BTN2A1: variants seen among roughly 807,000 people sequenced by gnomAD.
BTN2A1 encodes butyrophilin subfamily 2 member A1, also known as butyrophilin, subfamily 2, member A1.
Under a neutral mutation model 34.5 loss-of-function variants are expected in BTN2A1, and 41 were observed. The ratio of observed to expected loss-of-function variants is 1.19; its 90% CI spans 0.93 to 1.54. The LOEUF (loss-of-function observed/expected upper bound fraction) is 1.54, where lower values mean the gene tolerates loss of function less well. Ranked by LOEUF, BTN2A1 falls within the 40% of genes most tolerant of loss-of-function variation. The pLI, the probability that BTN2A1 is intolerant of heterozygous loss-of-function variation, is 0.00. For missense variants in BTN2A1, 642 were observed against 662.0 expected (o/e 0.97, Z 0.33); for synonymous variants, 267 against 258.6 (o/e 1.03, Z -0.31).
rs1763106971 is a variant in BTN2A1, at chr6:26,459,647, G to A, written c.249G>A (p.Glu83=). Residue 83 remains glutamate, a synonymous_variant, in exon 3 of 8, where the codon GAG becomes GAA. Transcript: ENST00000312541. ...TGTTTGTGTATAAAGGTGGCAGAGA[G>A]AGAACAGAGGAGCAGATGGAGGAGT... ...PAVFVYKGGR[E]RTEEQMEEYR... The A allele has an allele frequency of 6.2e-7, 1 of 1,613,980 alleles. No individual in the cohort carries two copies. The highest frequency in any genetic ancestry group is 1.1e-5 in the South Asian group (1 of 91,074).
Position 26,465,926 on chromosome 6 carries a change from A to T in BTN2A1, c.935-27A>T. 1.9e-6 allele frequency: 3 copies of T among 1,614,128 alleles called. 1 individual carries two copies. Among genetic ancestry groups the T allele is most frequent in the Non-Finnish European group, 2.5e-6 (3 of 1,179,996 alleles). On this transcript the variant is annotated intron_variant, in intron 5 of 7. Coordinates refer to ENST00000312541, the MANE Select transcript of BTN2A1 (RefSeq NM_007049.5). ...ACTTCTTTTAGTTCTTCTGTCAAAGACATGATTTTCTTTGTTTGTTTTTCA... is the reference window on the plus strand; with the variant it reads ...ACTTCTTTTAGTTCTTCTGTCAAAGTCATGATTTTCTTTGTTTGTTTTTCA...
chr6:26,476,268 T>C, exon 8 of BTN2A1: 1 of 1,244,508 alleles, frequency 8.0e-7, no homozygotes, highest in South Asian at 1.3e-5. Flanking sequence ...TGGAAAGAAC[T>C]GCTGAGCGGG....
chr6:26,461,233 A>G (rs12211201), intron 3 of BTN2A1, among the ~76,000 whole-genome samples: 11,134 of 152,260 alleles, frequency 0.073, 672 homozygotes, highest in Non-Finnish European at 0.099. Context: ...TTCTTTGCCT[A>G]TAAAACTGAC....
chr6:26,466,575 A>G (rs1439175538), intron 7 of BTN2A1, among the ~76,000 whole-genome samples: 1 of 152,194 alleles, frequency 6.6e-6, no homozygotes, highest in Non-Finnish European at 1.5e-5. Context: ...TGCTCTTAAG[A>G]GAACACTAAT....
intron 7 of BTN2A1, 61 bp from the exon 8 acceptor site, chr6:26,467,887 G>A: frequency 6.3e-7 from 1 of 1,576,976 alleles, no homozygotes; most frequent in Non-Finnish European, 8.6e-7. Flanking sequence ...TGGGGATCAG[G>A]AACCACACAA....
Position 26,468,161 on chromosome 6 carries a change from C to A in BTN2A1, c.1196C>A (p.Thr399Asn), listed in dbSNP as rs1277098138. 1.2e-6 allele frequency: 2 copies of A among 1,614,122 alleles called. No individual in the cohort carries two copies. Among genetic ancestry groups the A allele is most frequent in the African/African-American group, 1.3e-5 (1 of 75,022 alleles). ...EVEVENVIEW[T>N]VGVCRDSVER... is the part of the protein sequence containing the mutation. ...GAGGTGGAAAACGTGATTGAGTGGA[C>A]TGTGGGGGTCTGTAGAGACAGTGTT... The change falls in exon 8 of 8, where the codon ACT becomes AAT. Residue 399 changes from threonine to asparagine, a missense_variant. Coordinates refer to ENST00000312541, the MANE Select transcript of BTN2A1 (RefSeq NM_007049.5).
chr6:26,463,620 G>A, intron 4 of BTN2A1, 95 bp downstream of exon 4: 5 of 1,422,746 alleles, frequency 3.5e-6, no homozygotes, highest in Non-Finnish European at 4.8e-6. Flanking sequence ...CAGTGTGGGT[G>A]AAATAGTCCT....
rs1763406820 is a variant in BTN2A1, at chr6:26,469,239, T to C, written c.*690T>C. ...CCTGCAGTTGGCAAGGAGTCAGTAC[T>C]CAGTCCCTGAGTGTGGCTGAAATTT... On this transcript the variant is annotated 3_prime_UTR_variant, in exon 8 of 8. Coordinates refer to ENST00000312541, the MANE Select transcript of BTN2A1 (RefSeq NM_007049.5). 9.8e-7 allele frequency: 1 copy of C among 1,020,818 alleles called. No individual in the cohort carries two copies. Among genetic ancestry groups the C allele is most frequent in the African/African-American group, 1.7e-5 (1 of 58,260 alleles). The allele number at this position is 1,020,818 out of a possible 1,614,324, so 63.2% of individuals were successfully genotyped here. A position where few individuals can be genotyped will look rare whatever the true frequency, so the allele number is the denominator to read the frequency against.
At chr6:26,462,855 A>G in intron 3 of BTN2A1, 2 of 1,280,734 alleles carry the variant, frequency 1.6e-6, no homozygotes, top group Non-Finnish European at 2.0e-6. Flanking sequence ...GTGAAATCCA[A>G]AACCTGCCTG....
At chr6:26,471,972 A>G (rs1216396006), downstream of BTN2A1, among the ~76,000 whole-genome samples, 1 of 152,240 alleles carries the variant, frequency 6.6e-6, no homozygotes, top group Non-Finnish European at 1.5e-5. Flanking sequence ...GTATTTTGTT[A>G]TTAATAACAG....
chr6:26,461,188 AC>A (rs1763155334), intron 3 of BTN2A1, among the ~76,000 whole-genome samples: 1 of 152,334 alleles, frequency 6.6e-6, no homozygotes, highest in African/African-American at 2.4e-5. Context: ...TCCAGGGTTG[AC>A]CAGTTATGGT....
rs750154167 is a variant in BTN2A1 at position 26,459,686 on chromosome 6, C to T, written c.288C>T (p.Thr96=). The change falls in exon 3 of 8, where the codon ACC becomes ACT. Residue 96 remains threonine (T), a synonymous_variant. Transcript: ENST00000312541. ...AGATGGAGGAGTACCGAGGAAGAAC[C>T]ACCTTTGTGAGCAAAGACATCAGCA... ...EEQMEEYRGR[T]TFVSKDISRG... The T allele has an allele frequency of 6.2e-7, 1 of 1,614,156 alleles. No individual in the cohort carries two copies. The highest frequency in any genetic ancestry group is 8.5e-7 in the Non-Finnish European group (1 of 1,180,016).
Position 26,459,819 on chromosome 6 carries a change from G to A in BTN2A1, c.421G>A (p.Val141Ile), listed in dbSNP as rs148111655. Residue 141 changes from valine (V) to isoleucine (I), a missense_variant, in exon 3 of 8, where the codon GTA becomes ATA. Val to Ile is a conservative substitution (Grantham distance 29). Coordinates refer to ENST00000312541, the MANE Select transcript of BTN2A1 (RefSeq NM_007049.5). ...CTACGATGAGGCCATCCTGCACCTC[G>A]TAGTGGCAGGTGCGTCGCTTCATTT... ...RSYDEAILHL[V>I]VAGLGSKPLI... 1.0e-3 allele frequency: 1,637 copies of A among 1,611,896 alleles called. 1 individual carries two copies. Among genetic ancestry groups the A allele is most frequent in the Non-Finnish European group, 1.2e-3 (1,445 of 1,178,388 alleles).
chr6:26,475,224 C>A (rs1247762342), intron 7 of BTN2A1, among the ~76,000 whole-genome samples: 1 of 152,188 alleles, frequency 6.6e-6, no homozygotes, highest in African/African-American at 2.4e-5. Context: ...CCCGTCAACA[C>A]CCTGCCCAGG....
chr6:26,468,761 A>G lies in BTN2A1; in HGVS notation c.*212A>G, dbSNP rs1470358823. Reference sequence around the variant, plus strand: ...TTTAGTAGTTCCTTTGCTTGTAACTATGGGATGGGATCCAGGCATAGGGAA... The same window carrying G: ...TTTAGTAGTTCCTTTGCTTGTAACTGTGGGATGGGATCCAGGCATAGGGAA... On this transcript the variant is annotated 3_prime_UTR_variant, in exon 8 of 8. Coordinates refer to ENST00000312541, the MANE Select transcript of BTN2A1 (RefSeq NM_007049.5). 1.1e-5 allele frequency: 17 copies of G among 1,607,098 alleles called. No homozygotes were observed. Among genetic ancestry groups the G allele is most frequent in the Non-Finnish European group, 1.4e-5 (17 of 1,176,386 alleles).
exon 8 of BTN2A1, chr6:26,476,570 CA>C: frequency 3.4e-6 from 1 of 292,634 alleles, no homozygotes. Context: ...GGCTGTGTCA[CA>C]AGCCACTGGG....
intron 3 of BTN2A1, among the ~76,000 whole-genome samples, chr6:26,461,801 A>C (rs999780544): frequency 6.6e-6 from 1 of 151,694 alleles, no homozygotes; most frequent in Non-Finnish European, 1.5e-5. Context: ...ATCAATAAAT[A>C]AATAAATAAA....
Position 26,463,249 on chromosome 6 carries a change from G to A in BTN2A1, c.436G>A (p.Gly146Ser). ...AILHLVVAGL[G>S]SKPLISMRGH... The stretch of plus-strand genomic sequence containing the variant: ...ACCCTGATATCTCTCCACAGGACTA[G>A]GCTCTAAGCCCCTCATTTCAATGAG... The change falls in exon 4 of 8, where the codon GGC becomes AGC. Residue 146 changes from glycine to serine, a missense_variant. Coordinates refer to ENST00000312541, the MANE Select transcript of BTN2A1 (RefSeq NM_007049.5). 6.3e-7 allele frequency: 1 copy of A among 1,596,602 alleles called. No individual in the cohort carries two copies. Among genetic ancestry groups the A allele is most frequent in the South Asian group, 1.1e-5 (1 of 89,414 alleles).
At position 26,461,795 on chromosome 6, in the gene BTN2A1, A is replaced by G. The variant is rs577543608; in HGVS notation, c.431-1449A>G. On this transcript the variant is annotated intron_variant, in intron 3 of 7. Coordinates refer to ENST00000312541, the MANE Select transcript of BTN2A1 (RefSeq NM_007049.5). ...AAGACTCTGTCTAAAAAATAAATCA[A>G]TAAATAAATAAATAAATAAAAATAA... Among the ~76,000 whole-genome samples, 164 of 151,362 alleles carry G rather than the reference A, an allele frequency of 1.1e-3. 3 individuals carry two copies. The highest frequency in any genetic ancestry group is 5.4e-3 in the South Asian group (26 of 4,802).
Sources: allele counts gnomAD v4.1 joint callset (sites outside exome capture counted in the v4.1 genomes callset), GRCh38; gene constraint gnomAD v4.1.1; transcripts MANE v1.5; gene names NCBI Gene and HGNC (gene_info 2026-07-23, HGNC 2026-07-21).